Variants in CRYBG1 observed in about 807,000 individuals in gnomAD.
CRYBG1 encodes the protein crystallin beta-gamma domain containing 1, also known as beta/gamma crystallin domain-containing protein 1.
CRYBG1 carries 139 observed loss-of-function variants against 189.2 expected under a neutral mutation model. The ratio of observed to expected loss-of-function variants is 0.73; its 90% CI spans 0.64 to 0.85. The LOEUF is 0.85. CRYBG1 is among the 40% of genes least tolerant of loss of function. CRYBG1 has a pLI of 0.00. For synonymous variants in CRYBG1, 1,023 were observed against 1,017.1 expected (o/e 1.01, Z -0.11); for missense variants, 2,611 against 2,675.8 (o/e 0.98, Z 0.53).
intron 2 of CRYBG1, among the ~76,000 whole-genome samples, chr6:106,493,973 G>GA (rs1337088833): frequency 1.3e-5 from 2 of 151,444 alleles, no homozygotes; most frequent in African/African-American, 2.4e-5. Context: ...AGTTAAAGGG[G>GA]AAAAAAAAGA....
At chr6:106,402,894 T>C (rs888602695) in intron 1 of CRYBG1, among the ~76,000 whole-genome samples, 1 of 152,164 alleles carries the variant, frequency 6.6e-6, no homozygotes, top group Non-Finnish European at 1.5e-5. Flanking sequence ...CAACCTCCGA[T>C]GGCATGGCAC....
At position 106,539,531 on chromosome 6, in the gene CRYBG1, T is replaced by C. The variant is rs1442680945; in HGVS notation, c.4845+2T>C. On this transcript the variant is annotated splice_donor_variant, in intron 9 of 21. Coordinates refer to ENST00000633556, the MANE Select transcript of CRYBG1 (RefSeq NM_001371242.2). LOFTEE classifies it high-confidence loss of function. ...GGATCCATGCGGCCTCTGAAAATGGTAAAAATGAAATCCAAATGTCCTTGT... is the reference window on the plus strand; with the variant it reads ...GGATCCATGCGGCCTCTGAAAATGGCAAAAATGAAATCCAAATGTCCTTGT... The C allele has an allele frequency of 1.2e-6, 2 of 1,608,370 alleles. No individual in the cohort carries two copies. The highest frequency in any genetic ancestry group is 1.7e-6 in the Non-Finnish European group (2 of 1,177,454).
chr6:106,377,876 C>CAAA (rs1770203085), intron 1 of CRYBG1, among the ~76,000 whole-genome samples: 1 of 151,940 alleles, frequency 6.6e-6, no homozygotes, highest in East Asian at 1.9e-4. Context: ...AAGACAAAAA[C>CAAA]AAAAATTTAT....
chr6:106,447,908 A>T (rs141758501), intron 1 of CRYBG1, among the ~76,000 whole-genome samples: 1 of 152,322 alleles, frequency 6.6e-6, no homozygotes, highest in East Asian at 1.9e-4. Flanking sequence ...AGTGTTACAA[A>T]GTTGCTTTAG....
In CRYBG1 at chr6:106,364,963, A is replaced by G. The variant is rs570868389; in HGVS notation, c.173+3882A>G. 1.2e-4 allele frequency among the ~76,000 whole-genome samples: 18 copies of G among 152,266 alleles called. No homozygotes were observed. The South Asian group carries it at 3.5e-3, about 30-fold the overall frequency. Reference sequence around the variant, plus strand: ...GTGGTTGGCACATAGTATGTGCTCAACCAATGGGAGTTGTTTCTCTTTTTC... The same window carrying G: ...GTGGTTGGCACATAGTATGTGCTCAGCCAATGGGAGTTGTTTCTCTTTTTC... On this transcript the variant is annotated intron_variant, in intron 1 of 21. Coordinates refer to ENST00000633556, the MANE Select transcript of CRYBG1 (RefSeq NM_001371242.2).
intron 2 of CRYBG1, among the ~76,000 whole-genome samples, chr6:106,460,755 C>G (rs926814251): frequency 6.6e-6 from 1 of 152,124 alleles, no homozygotes; most frequent in South Asian, 2.1e-4. Context: ...CAGTTCTGCT[C>G]CTGCGACTTT....
chr6:106,519,736 A>G lies in CRYBG1; in HGVS notation c.2528A>G (p.Asp843Gly). The G allele has an allele frequency of 6.2e-7, 1 of 1,614,198 alleles. No individual in the cohort carries two copies. The highest frequency in any genetic ancestry group is 1.3e-5 in the African/African-American group (1 of 75,038). ...DTAQDIPTTV[D>G]TKDLPPTAMP... ...GCACAAGACATCCCCACCACTGTGG[A>G]TACCAAAGATTTACCTCCAACGGCC... Residue 843 changes from aspartate to glycine, a missense_variant, in exon 4 of 22, where the codon GAT (aspartate) becomes GGT (glycine). Physicochemically the swap from Asp to Gly is moderately conservative, Grantham distance 94. Around this residue, in one of 3 missense-constraint regions of CRYBG1, gnomAD observed 1,622 missense variants for 1,735.0 expected, o/e 0.93. Transcript: ENST00000633556.
intron 2 of CRYBG1, among the ~76,000 whole-genome samples, chr6:106,464,492 C>CAAAAA (rs5878893): frequency 7.2e-6 from 1 of 138,770 alleles, no homozygotes. Context: ...GACTTTGTCT[C>CAAAAA]AAAAAAAAAA....
chr6:106,565,257 G>A (rs564853886), intron 21 of CRYBG1, among the ~76,000 whole-genome samples: 9 of 151,814 alleles, frequency 5.9e-5, no homozygotes, highest in East Asian at 5.8e-4. Context: ...GGAGGCGGAC[G>A]TTGCACTGAG....
chr6:106,494,452 A>G (rs1772797028), intron 2 of CRYBG1, among the ~76,000 whole-genome samples: 1 of 152,170 alleles, frequency 6.6e-6, no homozygotes, highest in Non-Finnish European at 1.5e-5. Context: ...ACCATCAACA[A>G]TACGCTGACA....
chr6:106,499,524 T>G (rs1463697479), intron 2 of CRYBG1, among the ~76,000 whole-genome samples: 2 of 149,534 alleles, frequency 1.3e-5, no homozygotes, highest in African/African-American at 2.5e-5. Flanking sequence ...ACAAATAATT[T>G]TATATATGGG....
intron 2 of CRYBG1, among the ~76,000 whole-genome samples, chr6:106,468,577 C>T (rs747741216): frequency 6.6e-6 from 1 of 152,178 alleles, no homozygotes; most frequent in Non-Finnish European, 1.5e-5. Flanking sequence ...GTAGTCTCAG[C>T]TACTGGGGAG....
chr6:106,566,464 CTTTTTT>C (rs34773477), intron 21 of CRYBG1, among the ~76,000 whole-genome samples: 10 of 71,670 alleles, frequency 1.4e-4, no homozygotes, highest in East Asian at 9.8e-4. Context: ...CAACAACAGT[CTTTTTT>C]TTTTTTTTTT....
rs770969864 is a variant in CRYBG1, at chr6:106,512,235, C to T, written c.1118C>T (p.Ala373Val). 114 of 1,540,032 alleles carry T rather than the reference C, an allele frequency of 7.4e-5. 1 individual carries two copies. In the South Asian group the frequency reaches 1.4e-3, roughly 18 times the overall value. The change falls in exon 3 of 22, where the codon GCT (alanine) becomes GTT (valine). Residue 373 changes from alanine (A) to valine (V), a missense_variant. By Grantham distance (64) the Ala-to-Val change is moderately conservative. Transcript: ENST00000633556. ...CGCCCCAAGGGTCACGCCCACCCTG[C>T]TAAGGTGCTAACTTTGGACATCTAC... ...TARPKGHAHP[A>V]KVLTLDIYLS... is the part of the protein sequence containing the mutation.
At chr6:106,534,577 A>G (rs1450485078) in intron 8 of CRYBG1, among the ~76,000 whole-genome samples, 1 of 152,188 alleles carries the variant, frequency 6.6e-6, no homozygotes, top group African/African-American at 2.4e-5. Flanking sequence ...TTAAGAATCC[A>G]TTAGGTGATT....
chr6:106,452,126 G>C (rs962183962), intron 2 of CRYBG1, among the ~76,000 whole-genome samples: 1 of 148,040 alleles, frequency 6.8e-6, no homozygotes, highest in Non-Finnish European at 1.5e-5. Context: ...AATGAGCTTG[G>C]CCGGGCCTGG....
At chr6:106,442,548 C>T (rs1771583784) in intron 1 of CRYBG1, among the ~76,000 whole-genome samples, 1 of 152,176 alleles carries the variant, frequency 6.6e-6, no homozygotes, top group South Asian at 2.1e-4. Context: ...ATGTAACTAT[C>T]GTGGTTAGGA....
At chr6:106,472,558 G>T (rs539071120) in intron 2 of CRYBG1, among the ~76,000 whole-genome samples, 34 of 151,970 alleles carry the variant, frequency 2.2e-4, no homozygotes, top group Middle Eastern at 3.4e-3. Flanking sequence ...TATAGAAAAA[G>T]CTTTTTATGG....
chr6:106,491,522 G>C (rs917437898), intron 2 of CRYBG1, among the ~76,000 whole-genome samples: 2 of 152,080 alleles, frequency 1.3e-5, no homozygotes, highest in Non-Finnish European at 2.9e-5. Flanking sequence ...CATGACCCAA[G>C]CTGGACTCCC....
Sources: allele counts gnomAD v4.1 joint callset (sites outside exome capture counted in the v4.1 genomes callset), GRCh38; gene constraint gnomAD v4.1.1; regional missense constraint gnomAD v4.1.1; transcripts MANE v1.5; gene names NCBI Gene and HGNC (gene_info 2026-07-23, HGNC 2026-07-21).